The following SCN10A variants were observed in gnomAD, a reference collection of about 807,000 sequenced individuals.
SCN10A encodes the protein sodium voltage-gated channel alpha subunit 10.
SCN10A carries 162 observed loss-of-function variants against 170.7 expected under a neutral mutation model. The ratio of observed to expected loss-of-function variants is 0.95; its 90% CI spans 0.84 to 1.08. The LOEUF (loss-of-function observed/expected upper bound fraction) is 1.08, where lower values mean the gene tolerates loss of function less well. Among genes scored for constraint, SCN10A ranks in the 50% least tolerant of loss-of-function variants. The pLI is 0.00. For missense variants in SCN10A, 2,527 were observed against 2,436.9 expected (o/e 1.04, Z -0.78); for synonymous variants, 985 against 904.6 (o/e 1.09, Z -1.59).
chr3:38,738,887 A>G (rs149954509), intron 15 of SCN10A, among the ~76,000 whole-genome samples: 133 of 152,252 alleles, frequency 8.7e-4, no homozygotes, highest in Non-Finnish European at 1.7e-3. Flanking sequence ...ATTGCATGTG[A>G]GTGAGACTAA....
chr3:38,703,316 C>T (rs1185198091), intron 26 of SCN10A, among the ~76,000 whole-genome samples: 4 of 152,214 alleles, frequency 2.6e-5, no homozygotes, highest in African/African-American at 9.6e-5. Context: ...CTCTTTGTCT[C>T]TTGGTTTATT....
At chr3:38,785,412 G>A (rs977373311) in intron 4 of SCN10A, among the ~76,000 whole-genome samples, 1 of 152,144 alleles carries the variant, frequency 6.6e-6, no homozygotes, top group African/African-American at 2.4e-5. Flanking sequence ...ATGGTGTGGG[G>A]AAAACTGGCT....
chr3:38,698,303 G>A lies in SCN10A; in HGVS notation c.4917C>T (p.Asp1639=), dbSNP rs142804903. The A allele has an allele frequency of 2.0e-5, 32 of 1,614,142 alleles. No homozygotes were observed. Among genetic ancestry groups the A allele is most frequent in the African/African-American group, 8.0e-5 (6 of 75,022 alleles). ...FPHVRWEAGI[D]DMFNFQTFAN... ...CGAAGGTCTGGAAGTTGAACATGTC[G>A]TCGATGCCAGCCTCCCACCTCACAT... The change falls in exon 28 of 28, where the codon GAC becomes GAT. Residue 1639 remains aspartate (D), a synonymous_variant. Coordinates refer to ENST00000449082, the MANE Select transcript of SCN10A (RefSeq NM_006514.4).
chr3:38,713,175 T>C (rs1281960897), intron 22 of SCN10A, among the ~76,000 whole-genome samples: 1 of 151,938 alleles, frequency 6.6e-6, no homozygotes, highest in East Asian at 1.9e-4. Flanking sequence ...TAGGGCAAGG[T>C]GGAGGCTGAC....
chr3:38,811,903 C>T (rs536707929), intron 1 of SCN10A, among the ~76,000 whole-genome samples: 1 of 152,322 alleles, frequency 6.6e-6, no homozygotes, highest in South Asian at 2.1e-4. Context: ...TGACCAGTCC[C>T]TGGCCAGCCA....
intron 13 of SCN10A, among the ~76,000 whole-genome samples, chr3:38,749,683 T>A (rs60349808): frequency 0.092 from 13,951 of 152,222 alleles, 1,120 homozygotes; most frequent in African/African-American, 0.2. Context: ...AATATAATTA[T>A]GAAACCATGA....
intron 3 of SCN10A, among the ~76,000 whole-genome samples, chr3:38,789,506 G>C (rs887170183): frequency 6.6e-6 from 1 of 152,140 alleles, no homozygotes; most frequent in African/African-American, 2.4e-5. Flanking sequence ...AAAAGACAAA[G>C]AAAAGTTAGA....
At chr3:38,729,420 C>T in intron 15 of SCN10A, among the ~76,000 whole-genome samples, 1 of 152,192 alleles carries the variant, frequency 6.6e-6, no homozygotes, top group East Asian at 1.9e-4. Flanking sequence ...TTTGAAACTG[C>T]AAATGTCCAT....
chr3:38,756,631 A>T (rs748774375), intron 10 of SCN10A, 43 bp downstream of exon 10: 1 of 1,515,250 alleles, frequency 6.6e-7, no homozygotes. Context: ...CCAAGAATGG[A>T]CAGTCTGCAA....
intron 15 of SCN10A, 85 bp downstream of exon 15, chr3:38,739,430 A>C (rs1380306515): frequency 2.5e-5 from 31 of 1,221,692 alleles, no homozygotes; most frequent in Non-Finnish European, 3.4e-5. Context: ...AGGAAGGGGG[A>C]GCTGGCTGGT....
At chr3:38,800,570 T>C (rs1341841167) in intron 1 of SCN10A, among the ~76,000 whole-genome samples, 1 of 152,130 alleles carries the variant, frequency 6.6e-6, no homozygotes, top group African/African-American at 2.4e-5. Flanking sequence ...AAGCCAGTAT[T>C]AGGGAGTTTT....
At chr3:38,698,624 G>A in intron 27 of SCN10A, 62 bp from the exon 28 acceptor site, 3 of 1,507,012 alleles carry the variant, frequency 2.0e-6, no homozygotes, top group South Asian at 1.2e-5. Context: ...GACAAAGTTG[G>A]CTGTGATGAC....
intron 1 of SCN10A, among the ~76,000 whole-genome samples, chr3:38,803,498 T>C (rs1575187813): frequency 6.6e-6 from 1 of 152,066 alleles, no homozygotes; most frequent in African/African-American, 2.4e-5. Context: ...ATGTCCTTTG[T>C]AGGGACATGG....
Position 38,739,587 on chromosome 3 carries a change from G to C in SCN10A, c.2208C>G (p.Ile736Met). The C allele has an allele frequency of 1.2e-6, 2 of 1,614,128 alleles. No individual in the cohort carries two copies. Among genetic ancestry groups the C allele is most frequent in the Non-Finnish European group, 1.7e-6 (2 of 1,179,962 alleles). ...CCAGCTCTAGCAGACTCACAGTGAC[G>C]ATGATGCAGTCAAAGATATTCCACT... ...QKKWNIFDCI[I>M]VTVSLLELGV... The change falls in exon 15 of 28, where the codon ATC becomes ATG. Residue 736 changes from isoleucine to methionine, a missense_variant. Transcript: ENST00000449082.
intron 6 of SCN10A, among the ~76,000 whole-genome samples, chr3:38,762,417 A>C (rs991384095): frequency 6.6e-6 from 1 of 152,158 alleles, no homozygotes; most frequent in African/African-American, 2.4e-5. Flanking sequence ...GGGAGGAGGT[A>C]AAACCTTGGC....
At chr3:38,737,569 T>C (rs991013093) in intron 15 of SCN10A, among the ~76,000 whole-genome samples, 3 of 152,216 alleles carry the variant, frequency 2.0e-5, no homozygotes, top group East Asian at 1.9e-4. Flanking sequence ...CAGCGTTTCA[T>C]GGCACAGCTG....
At chr3:38,809,496 C>T (rs955185753) in intron 1 of SCN10A, among the ~76,000 whole-genome samples, 1 of 152,160 alleles carries the variant, frequency 6.6e-6, no homozygotes, top group Non-Finnish European at 1.5e-5. Context: ...TTTTAAAATG[C>T]TTTCATTATC....
chr3:38,756,830 C>A lies in SCN10A; in HGVS notation c.1134G>T (p.Val378=). 1 of 1,614,124 alleles carries A rather than the reference C, an allele frequency of 6.2e-7. No homozygotes were observed. Among genetic ancestry groups the A allele is most frequent in the Non-Finnish European group, 8.5e-7 (1 of 1,180,010 alleles). ...AGAAAGATCCCAGGAAGATTACGAG[C>A]ACAAAAAAGATCATATAGATTTTCC... ...TSGKIYMIFF[V]LVIFLGSFYL... Residue 378 remains valine (V), a synonymous_variant, in exon 10 of 28, where the codon GTG becomes GTT. Coordinates refer to ENST00000449082, the MANE Select transcript of SCN10A (RefSeq NM_006514.4).
intron 13 of SCN10A, among the ~76,000 whole-genome samples, chr3:38,747,823 C>T (rs1441988767): frequency 1.3e-5 from 2 of 152,198 alleles, no homozygotes; most frequent in Non-Finnish European, 1.5e-5. Context: ...TAGCTGATTC[C>T]TTTATTTAAT....
Sources: allele counts gnomAD v4.1 joint callset (sites outside exome capture counted in the v4.1 genomes callset), GRCh38; gene constraint gnomAD v4.1.1; transcripts MANE v1.5; gene names NCBI Gene and HGNC (gene_info 2026-07-23, HGNC 2026-07-21).